The following NCOA6 variants were observed in gnomAD, a reference collection of about 807,000 sequenced individuals.
The protein encoded by NCOA6 is NRC RAP250.
NCOA6 carries 49 observed loss-of-function variants against 171.4 expected under a neutral mutation model. The observed-to-expected ratio is 0.29, with a 90% confidence interval of 0.23 to 0.36. The LOEUF (loss-of-function observed/expected upper bound fraction) is 0.36, where lower values mean the gene tolerates loss of function less well. NCOA6 is among the 10% of genes least tolerant of loss of function. The pLI is 1.00. For synonymous variants in NCOA6, 910 were observed against 927.5 expected (o/e 0.98, Z 0.34); for missense variants, 2,248 against 2,554.5 (o/e 0.88, Z 2.59).
chr20:34,769,691 T>G (rs2077085852), intron 4 of NCOA6, among the ~76,000 whole-genome samples: 1 of 152,138 alleles, frequency 6.6e-6, no homozygotes, highest in African/African-American at 2.4e-5. Context: ...TTTACCTTAT[T>G]TGAGCTTCAC....
At chr20:34,763,737 C>A (rs913122031) in intron 5 of NCOA6, among the ~76,000 whole-genome samples, 6 of 152,176 alleles carry the variant, frequency 3.9e-5, no homozygotes, top group Non-Finnish European at 8.8e-5. Context: ...GTAGAGAAGA[C>A]AATTCCACAA....
chr20:34,753,852 G>A (rs1568780185), intron 8 of NCOA6, among the ~76,000 whole-genome samples: 1 of 152,102 alleles, frequency 6.6e-6, no homozygotes, highest in Non-Finnish European at 1.5e-5. Context: ...TAAAGTTGGA[G>A]TCACATTACT....
rs138755024 is a variant in NCOA6 at position 34,742,608 on chromosome 20, G to A, written c.3648C>T (p.Ser1216=). The part of the protein sequence containing the change: ...TSRPKTPNRA[S]PRPYYPQTPN... ...GTGTCTGAGGATAATAGGGTCTGGGGCTGGCTCTGTTTGGTGTTTTGGGCC... is the reference window on the plus strand; with the variant it reads ...GTGTCTGAGGATAATAGGGTCTGGGACTGGCTCTGTTTGGTGTTTTGGGCC... The change falls in exon 11 of 15, where the codon AGC becomes AGT. Residue 1216 remains serine (S), a synonymous_variant. Transcript: ENST00000359003. The A allele has an allele frequency of 1.1e-3, 1,736 of 1,614,196 alleles. 4 individuals are homozygous for A. The highest frequency in any genetic ancestry group is 1.3e-3 in the Non-Finnish European group (1,560 of 1,180,036).
intron 3 of NCOA6, among the ~76,000 whole-genome samples, chr20:34,777,766 G>T (rs2077378347): frequency 6.6e-6 from 1 of 152,154 alleles, no homozygotes; most frequent in Non-Finnish European, 1.5e-5. Context: ...ACACTCAAAT[G>T]AACTGAAAGC....
At position 34,758,633 on chromosome 20, in the gene NCOA6, T is replaced by G. The variant is rs2076723945; in HGVS notation, c.643+172A>C. 4.6e-5 allele frequency among the ~76,000 whole-genome samples: 7 copies of G among 152,194 alleles called. No homozygotes were observed. The South Asian group carries it at 1.4e-3, about 31-fold the overall frequency. On this transcript the variant is annotated intron_variant, in intron 6 of 14. Transcript: ENST00000359003. ...AATTGATAAGAAAACAATGAGAAAT[T>G]CTGAAAAGAAAATAATGACATTTAG...
chr20:34,807,566 C>T (rs1433699043), intron 1 of NCOA6, among the ~76,000 whole-genome samples: 1 of 152,182 alleles, frequency 6.6e-6, no homozygotes, highest in Non-Finnish European at 1.5e-5. Flanking sequence ...CGCTCTGTCG[C>T]TCAGGCTGGA....
chr20:34,747,393 G>T lies in NCOA6; in HGVS notation c.2793-465C>A, dbSNP rs138182420. ...AAAAGGTTGTATAGGTTGGCTGATG[G>T]TATTCAGAGAACAAAGAAAGATTGA... On this transcript the variant is annotated intron_variant, in intron 9 of 14. Transcript: ENST00000359003. 1.8e-3 allele frequency among the ~76,000 whole-genome samples: 271 copies of T among 152,286 alleles called. 1 individual carries two copies. Among genetic ancestry groups the T allele is most frequent in the African/African-American group, 5.8e-3 (241 of 41,546 alleles).
Position 34,753,063 on chromosome 20 carries a change from G to C in NCOA6, c.1675+1659C>G, listed in dbSNP as rs1030426431. ...TTAAAACATACTTTTTTTTTTTTGA[G>C]ATGAAGTCTCTCTCTGTCGCCCAGG... On this transcript the variant is annotated intron_variant, in intron 8 of 14. Transcript: ENST00000359003. 1.2e-4 allele frequency among the ~76,000 whole-genome samples: 18 copies of C among 148,172 alleles called. No individual in the cohort carries two copies. The East Asian group carries it at 3.7e-3, about 30-fold the overall frequency.
intron 4 of NCOA6, among the ~76,000 whole-genome samples, chr20:34,774,400 T>C (rs1175636166): frequency 1.3e-5 from 2 of 152,268 alleles, no homozygotes; most frequent in Non-Finnish European, 2.9e-5. Flanking sequence ...TAAAGTGGTA[T>C]TGCTTAAGCC....
intron 2 of NCOA6, among the ~76,000 whole-genome samples, chr20:34,785,774 G>A (rs942280920): frequency 2.0e-5 from 3 of 151,696 alleles, no homozygotes; most frequent in African/African-American, 4.8e-5. Flanking sequence ...TAAACAGGTC[G>A]TTGGTCATGA....
intron 5 of NCOA6, 152 bp downstream of exon 5, chr20:34,768,312 T>G: frequency 9.9e-7 from 1 of 1,007,454 alleles, no homozygotes; most frequent in East Asian, 2.5e-5. Flanking sequence ...ACCTCTAGCC[T>G]CCGGGAAGGA....
At chr20:34,745,827 T>C (rs554803120) in intron 10 of NCOA6, among the ~76,000 whole-genome samples, 139 of 152,314 alleles carry the variant, frequency 9.1e-4, no homozygotes, top group Non-Finnish European at 1.6e-3. Context: ...GCAGCTGGCC[T>C]TGGTTCTATA....
intron 2 of NCOA6, among the ~76,000 whole-genome samples, chr20:34,791,378 C>T (rs1229857412): frequency 6.6e-6 from 1 of 152,186 alleles, no homozygotes; most frequent in Non-Finnish European, 1.5e-5. Context: ...GAGCAGCAGT[C>T]TTTGTCAGTC....
chr20:34,817,694 G>A lies in NCOA6; in HGVS notation c.-164+7778C>T, dbSNP rs1003256110. On this transcript the variant is annotated intron_variant, in intron 1 of 14. Transcript: ENST00000359003. Reference sequence around the variant, plus strand: ...AATATACCAGACATCAAAATAGGCAGACACTGGAGCTGAAGGGAGGGAAGG... The same window carrying A: ...AATATACCAGACATCAAAATAGGCAAACACTGGAGCTGAAGGGAGGGAAGG... Among the ~76,000 whole-genome samples, 2 of 152,134 alleles carry A rather than the reference G, an allele frequency of 1.3e-5. 1 individual carries two copies. The highest frequency in any genetic ancestry group is 3.8e-4 in the East Asian group (2 of 5,202).
chr20:34,725,447 C>A (rs963645887), intron 14 of NCOA6, among the ~76,000 whole-genome samples: 1 of 152,014 alleles, frequency 6.6e-6, no homozygotes. Context: ...CCTGCAGTAG[C>A]TGCAACATAT....
intron 2 of NCOA6, among the ~76,000 whole-genome samples, chr20:34,788,440 T>A (rs1759038884): frequency 6.6e-6 from 1 of 152,164 alleles, no homozygotes; most frequent in Non-Finnish European, 1.5e-5. Flanking sequence ...AACTTTTGGG[T>A]AGTCAGGTCA....
chr20:34,734,713 G>A (rs556804163), intron 12 of NCOA6, among the ~76,000 whole-genome samples: 9 of 151,572 alleles, frequency 5.9e-5, no homozygotes, highest in African/African-American at 1.9e-4. Context: ...GTTCAATGGC[G>A]CAATCTCCGG....
rs528289220 is a variant in NCOA6 at position 34,798,809 on chromosome 20, G to C, written c.-163-6246C>G. Among the ~76,000 whole-genome samples the C allele has an allele frequency of 8.2e-4, 125 of 152,292 alleles. 1 individual carries two copies. In the South Asian group the frequency reaches 0.025, roughly 31 times the overall value. On this transcript the variant is annotated intron_variant, in intron 1 of 14. Transcript: ENST00000359003. ...AATGTAGATACAAATGCAGTGACAAGAGACCTGGATCACAACACTCAAGTC... is the reference window on the plus strand; with the variant it reads ...AATGTAGATACAAATGCAGTGACAACAGACCTGGATCACAACACTCAAGTC...
intron 11 of NCOA6, among the ~76,000 whole-genome samples, chr20:34,738,287 T>G (rs963543574): frequency 1.3e-5 from 2 of 152,180 alleles, no homozygotes; most frequent in Non-Finnish European, 2.9e-5. Context: ...TGAGTGTTCT[T>G]AACTAAAATT....
Sources: allele counts gnomAD v4.1 joint callset (sites outside exome capture counted in the v4.1 genomes callset), GRCh38; gene constraint gnomAD v4.1.1; transcripts MANE v1.5; gene names NCBI Gene and HGNC (gene_info 2026-07-23, HGNC 2026-07-21).